Variants in GPATCH2 observed in about 807,000 individuals in gnomAD.
The protein encoded by GPATCH2 is G patch domain-containing protein 2.
GPATCH2 carries 51 observed loss-of-function variants against 58.0 expected under a neutral mutation model. The observed-to-expected ratio is 0.88, with a 90% confidence interval of 0.70 to 1.11. The LOEUF (loss-of-function observed/expected upper bound fraction) is 1.11, where lower values mean the gene tolerates loss of function less well. Ranked by LOEUF, GPATCH2 falls within the 50% of genes most tolerant of loss-of-function variation. The probability of loss-of-function intolerance (pLI) is 0.00; values close to 1 mark genes in which losing one functional copy is unlikely to be tolerated. For missense variants in GPATCH2, 625 were observed against 652.2 expected (o/e 0.96, Z 0.45); for synonymous variants, 222 against 218.5 (o/e 1.02, Z -0.14).
At chr1:217,584,772 G>T (rs1041663641) in intron 5 of GPATCH2, among the ~76,000 whole-genome samples, 1 of 151,956 alleles carries the variant, frequency 6.6e-6, no homozygotes, top group African/African-American at 2.4e-5. Context: ...CTTTTAAAAT[G>T]TTAGAAAAAT....
At chr1:217,498,429 C>T (rs724803) in intron 6 of GPATCH2, 34 bp from the exon 7 acceptor site, 3 of 1,578,086 alleles carry the variant, frequency 1.9e-6, no homozygotes, top group Non-Finnish European at 2.6e-6. Flanking sequence ...TTAGAGGGAA[C>T]CTAACTAAAA....
At chr1:217,539,352 A>G (rs982482540) in intron 5 of GPATCH2, among the ~76,000 whole-genome samples, 5 of 152,200 alleles carry the variant, frequency 3.3e-5, no homozygotes, top group African/African-American at 1.2e-4. Flanking sequence ...ATATTTGCTC[A>G]ATTTACTATC....
chr1:217,617,866 T>TA (rs1558529805), intron 2 of GPATCH2, among the ~76,000 whole-genome samples: 1 of 152,152 alleles, frequency 6.6e-6, no homozygotes, highest in Non-Finnish European at 1.5e-5. Context: ...GATACTCAAA[T>TA]ACTTTTTACA....
At chr1:217,601,961 G>A (rs182202464) in intron 5 of GPATCH2, among the ~76,000 whole-genome samples, 1 of 152,004 alleles carries the variant, frequency 6.6e-6, no homozygotes, top group South Asian at 2.1e-4. Flanking sequence ...TTTGTTAAAC[G>A]AGTGGATGTC....
At chr1:217,454,416 C>T (rs1005300402) in intron 8 of GPATCH2, among the ~76,000 whole-genome samples, 3 of 151,694 alleles carry the variant, frequency 2.0e-5, no homozygotes, top group African/African-American at 7.3e-5. Flanking sequence ...GGTGAAACCC[C>T]GTTTCTACTA....
intron 5 of GPATCH2, among the ~76,000 whole-genome samples, chr1:217,562,597 T>A (rs1665981719): frequency 6.6e-6 from 1 of 152,198 alleles, no homozygotes; most frequent in Non-Finnish European, 1.5e-5. Context: ...TGAACCACAC[T>A]GTACATTTAC....
At chr1:217,500,662 C>T (rs1468349837) in intron 6 of GPATCH2, among the ~76,000 whole-genome samples, 1 of 151,930 alleles carries the variant, frequency 6.6e-6, no homozygotes, top group East Asian at 1.9e-4. Flanking sequence ...TTTAATTTCT[C>T]TAGTAGTGAG....
At chr1:217,505,077 A>G (rs183912074) in intron 6 of GPATCH2, among the ~76,000 whole-genome samples, 2 of 152,344 alleles carry the variant, frequency 1.3e-5, no homozygotes, top group Non-Finnish European at 2.9e-5. Context: ...TAGGGAGCAC[A>G]GAAGAGTTTA....
intron 6 of GPATCH2, among the ~76,000 whole-genome samples, chr1:217,509,442 C>A (rs1180468049): frequency 6.6e-6 from 1 of 152,188 alleles, no homozygotes; most frequent in African/African-American, 2.4e-5. Flanking sequence ...AACTAACCTG[C>A]AATCCCATCA....
At chr1:217,589,707 G>T (rs1420535309) in intron 5 of GPATCH2, among the ~76,000 whole-genome samples, 1 of 152,114 alleles carries the variant, frequency 6.6e-6, no homozygotes, top group African/African-American at 2.4e-5. Context: ...CCAGGGAAAA[G>T]AATCATTAAA....
intron 6 of GPATCH2, among the ~76,000 whole-genome samples, chr1:217,501,886 TTC>T (rs1662323665): frequency 6.6e-6 from 1 of 152,144 alleles, no homozygotes; most frequent in Admixed American, 6.6e-5. Flanking sequence ...TGCAAATATT[TTC>T]TCTCAGTGTG....
chr1:217,455,746 C>A (rs1659912349), intron 8 of GPATCH2, among the ~76,000 whole-genome samples: 1 of 151,986 alleles, frequency 6.6e-6, no homozygotes, highest in African/African-American at 2.4e-5. Flanking sequence ...AACCTATGGT[C>A]CTAAATGAGA....
intron 6 of GPATCH2, among the ~76,000 whole-genome samples, chr1:217,512,741 G>A (rs901123970): frequency 5.3e-5 from 8 of 152,210 alleles, no homozygotes; most frequent in African/African-American, 1.7e-4. Flanking sequence ...TGGTCAACAA[G>A]AGTCTGTGAC....
intron 8 of GPATCH2, among the ~76,000 whole-genome samples, chr1:217,467,444 G>GT (rs1467409047): frequency 2.0e-5 from 3 of 152,038 alleles, no homozygotes; most frequent in Non-Finnish European, 4.4e-5. Context: ...CGTACTTATA[G>GT]TAAGTACCAA....
At chr1:217,456,043 T>C (rs1372993460) in intron 8 of GPATCH2, among the ~76,000 whole-genome samples, 1 of 152,000 alleles carries the variant, frequency 6.6e-6, no homozygotes, top group Non-Finnish European at 1.5e-5. Context: ...CCCATCCATC[T>C]CACTGAAAGC....
chr1:217,579,148 A>T (rs1043437156), intron 5 of GPATCH2, among the ~76,000 whole-genome samples: 1 of 152,320 alleles, frequency 6.6e-6, no homozygotes, highest in South Asian at 2.1e-4. Context: ...ACACACACAA[A>T]AAGGATGCAA....
intron 5 of GPATCH2, chr1:217,608,402 A>G (rs549768235): frequency 6.1e-6 from 6 of 984,668 alleles, no homozygotes; most frequent in East Asian, 1.1e-4. Flanking sequence ...GTCTCCATCA[A>G]GTGAAACTTC....
intron 6 of GPATCH2, chr1:217,498,633 C>T: frequency 1.7e-6 from 1 of 581,738 alleles, no homozygotes; most frequent in Non-Finnish European, 3.1e-6. Context: ...ATTACATTTC[C>T]ATTTAATTAT....
chr1:217,438,707 T>C (rs760681340), intron 9 of GPATCH2, among the ~76,000 whole-genome samples: 7 of 152,020 alleles, frequency 4.6e-5, no homozygotes, highest in East Asian at 1.9e-4. Flanking sequence ...CCAAGAAATA[T>C]GGGACCATGT....
Sources: gnomAD v4.1 joint callset for allele counts (sites outside exome capture counted in the v4.1 genomes callset) on GRCh38, gnomAD v4.1.1 for gene constraint, MANE v1.5 for transcripts, NCBI Gene and HGNC (gene_info 2026-07-23, HGNC 2026-07-21) for gene names.